The following TP63 variants were observed in gnomAD, a reference collection of about 807,000 sequenced individuals.
TP63 encodes the protein tumor protein p63.
In TP63, 17 loss-of-function variants were observed where a neutral mutation model predicts 82.8. The observed-to-expected ratio is 0.21, with a 90% CI of 0.14 to 0.31. The LOEUF is 0.31. Among genes scored for constraint, TP63 ranks in the 10% least tolerant of loss-of-function variants. The pLI is 1.00. For synonymous variants in TP63, 330 were observed against 321.7 expected (o/e 1.03, Z -0.28); for missense variants, 648 against 895.3 (o/e 0.72, Z 3.52).
intron 1 of TP63, among the ~76,000 whole-genome samples, chr3:189,728,838 C>T (rs1719956254): frequency 6.6e-6 from 1 of 152,162 alleles, no homozygotes; most frequent in Non-Finnish European, 1.5e-5. Context: ...GAACCTCCCC[C>T]ATGATCCAAT....
At chr3:189,621,418 A>G in the TP63 span, among the ~76,000 whole-genome samples, 2,417 of 152,214 alleles carry the variant, frequency 0.016, 70 homozygotes, top group African/African-American at 0.055. Flanking sequence ...AAACTTGACC[A>G]ATAAATATTC....
intron 4 of TP63, among the ~76,000 whole-genome samples, chr3:189,857,910 G>C (rs1440912033): frequency 5.3e-5 from 8 of 152,162 alleles, no homozygotes; most frequent in Admixed American, 3.3e-4. Flanking sequence ...AGCCATTATG[G>C]AAAATAGTAT....
intron 1 of TP63, among the ~76,000 whole-genome samples, chr3:189,713,687 C>T (rs1718760759): frequency 6.6e-6 from 1 of 152,008 alleles, no homozygotes; most frequent in Non-Finnish European, 1.5e-5. Flanking sequence ...CAAGTCTAAT[C>T]CAACTTTTTA....
the TP63 span, among the ~76,000 whole-genome samples, chr3:189,620,823 A>G: frequency 6.6e-6 from 1 of 152,288 alleles, no homozygotes; most frequent in Middle Eastern, 3.4e-3. Flanking sequence ...CCACTCTCTT[A>G]GCTCCCACAC....
rs556332128 is a variant in TP63 at position 189,775,178 on chromosome 3, C to A, written c.325-33094C>A. ...GAGGTTGTGGTGAGCCAAGATCGTG[C>A]CACTGCACTCCAGCCTGGGCAACAA... On this transcript the variant is annotated intron_variant, in intron 3 of 13. Coordinates refer to ENST00000264731, the MANE Select transcript of TP63 (RefSeq NM_003722.5). 7.7e-5 allele frequency among the ~76,000 whole-genome samples: 11 copies of A among 142,820 alleles called. No individual in the cohort carries two copies. In the East Asian group the frequency reaches 1.2e-3, roughly 16 times the overall value. The allele number at this position is 142,820 out of a possible 152,430, so 93.7% of individuals were successfully genotyped here. A position where few individuals can be genotyped will look rare whatever the true frequency, so the allele number is the denominator to read the frequency against.
At chr3:189,729,079 G>A (rs1719974127) in intron 1 of TP63, among the ~76,000 whole-genome samples, 1 of 152,164 alleles carries the variant, frequency 6.6e-6, no homozygotes, top group Non-Finnish European at 1.5e-5. Flanking sequence ...GCTTTTGAAG[G>A]CTGATCATTA....
chr3:189,871,727 TTTTG>T (rs549739050), intron 9 of TP63, among the ~76,000 whole-genome samples: 144 of 152,258 alleles, frequency 9.5e-4, no homozygotes, highest in African/African-American at 3.3e-3. Flanking sequence ...TTTTTTTGGT[TTTTG>T]TTTGTTTTGA....
At chr3:189,779,150 A>G (rs1013330682) in intron 3 of TP63, among the ~76,000 whole-genome samples, 7 of 152,212 alleles carry the variant, frequency 4.6e-5, no homozygotes, top group Admixed American at 3.9e-4. Context: ...AGCAACATAT[A>G]TATTAACACT....
chr3:189,682,543 AAAAAAAAAAAATATATATATATATATAT>A (rs1420839719), intron 1 of TP63, among the ~76,000 whole-genome samples: 3 of 23,988 alleles, frequency 1.3e-4, no homozygotes, highest in Admixed American at 6.0e-4. Context: ...GGGGAAAAAA[AAAAAAAAAAAATATATATATATATATAT>A]ATATATATAT....
At chr3:189,883,637 A>G (rs1720155722) in intron 10 of TP63, among the ~76,000 whole-genome samples, 1 of 152,172 alleles carries the variant, frequency 6.6e-6, no homozygotes, top group Non-Finnish European at 1.5e-5. Context: ...ACATGATCTC[A>G]TTCTTAATAG....
intron 1 of TP63, among the ~76,000 whole-genome samples, chr3:189,675,967 C>A (rs1394659810): frequency 1.3e-5 from 2 of 152,068 alleles, no homozygotes; most frequent in African/African-American, 2.4e-5. Flanking sequence ...TTAAAAAGAA[C>A]CGTGAACCCT....
At chr3:189,762,779 T>C (rs4284956) in intron 3 of TP63, among the ~76,000 whole-genome samples, 141,458 of 152,126 alleles carry the variant, frequency 0.93, 65,900 homozygotes, top group African/African-American at 0.98. Flanking sequence ...AGGAGTGCAG[T>C]GTTTAAAAGA....
In TP63 at chr3:189,805,306, A is replaced by G. The variant is rs138450506; in HGVS notation, c.325-2966A>G. ...TTTTCTTATTCATTAAAACATTTTC[A>G]TCTCATTACAAATGATTTCTTCCTT... On this transcript the variant is annotated intron_variant, in intron 3 of 13. Transcript: ENST00000264731. Among the ~76,000 whole-genome samples the G allele has an allele frequency of 1.1e-3, 171 of 152,296 alleles. 1 individual carries two copies. In the East Asian group the frequency reaches 0.027, roughly 24 times the overall value.
intron 12 of TP63, 21 bp from the exon 13 acceptor site, chr3:189,890,768 T>C (rs995695383): frequency 6.2e-7 from 1 of 1,610,290 alleles, no homozygotes; most frequent in Non-Finnish European, 8.5e-7. Context: ...TCCTCCTTCC[T>C]CTTCCCTCCT....
At chr3:189,684,376 G>T (rs1716235431) in intron 1 of TP63, among the ~76,000 whole-genome samples, 1 of 152,110 alleles carries the variant, frequency 6.6e-6, no homozygotes, top group South Asian at 2.1e-4. Flanking sequence ...GAGGGTTAAA[G>T]AATTCAAATA....
chr3:189,604,467 T>G, the TP63 span, among the ~76,000 whole-genome samples: 1 of 152,212 alleles, frequency 6.6e-6, no homozygotes. Flanking sequence ...TAGAGATAGA[T>G]GTGAGGCCTG....
chr3:189,736,193 A>G (rs1720579199), intron 1 of TP63, among the ~76,000 whole-genome samples: 1 of 150,134 alleles, frequency 6.7e-6, no homozygotes, highest in African/African-American at 2.4e-5. Flanking sequence ...ATATATGTAA[A>G]TATACACACA....
intron 3 of TP63, among the ~76,000 whole-genome samples, chr3:189,802,814 T>A (rs1438581734): frequency 6.6e-6 from 1 of 152,180 alleles, no homozygotes; most frequent in African/African-American, 2.4e-5. Context: ...TACTGTTGTA[T>A]CTTGTAACAA....
At chr3:189,615,300 C>T in the TP63 span, among the ~76,000 whole-genome samples, 1 of 152,116 alleles carries the variant, frequency 6.6e-6, no homozygotes, top group Non-Finnish European at 1.5e-5. Context: ...GCTGCTCCAT[C>T]CACCTGGCAT....
Sources: allele counts gnomAD v4.1 joint callset (sites outside exome capture counted in the v4.1 genomes callset), GRCh38; gene constraint gnomAD v4.1.1; transcripts MANE v1.5; gene names NCBI Gene and HGNC (gene_info 2026-07-23, HGNC 2026-07-21).